The following SNTG2 variants were observed in gnomAD, a reference collection of about 807,000 sequenced individuals.
The protein encoded by SNTG2 is syntrophin gamma 2.
Under a neutral mutation model 70.9 loss-of-function variants are expected in SNTG2, and 74 were observed. The observed-to-expected ratio is 1.04, with a 90% CI of 0.86 to 1.27. The LOEUF (loss-of-function observed/expected upper bound fraction) is 1.27, where lower values mean the gene tolerates loss of function less well. Ranked by LOEUF, SNTG2 falls within the 50% of genes most tolerant of loss-of-function variation. The pLI is 0.00. For synonymous variants in SNTG2, 278 were observed against 273.8 expected, an observed-to-expected ratio of 1.02 and a Z score of -0.15; for missense variants, 717 against 690.7, an observed-to-expected ratio of 1.04 and a Z score of -0.43.
chr2:1,276,891 C>T (rs1293391437), intron 14 of SNTG2, among the ~76,000 whole-genome samples: 2 of 152,126 alleles, frequency 1.3e-5, no homozygotes, highest in Non-Finnish European at 2.9e-5. Context: ...TTCCAAACCT[C>T]ATGAATGACT....
At chr2:995,581 A>G (rs902454879) in intron 1 of SNTG2, among the ~76,000 whole-genome samples, 4 of 152,190 alleles carry the variant, frequency 2.6e-5, no homozygotes, top group Admixed American at 2.6e-4. Context: ...TAAGTTGGAA[A>G]TTATTTCCTC....
intron 4 of SNTG2, among the ~76,000 whole-genome samples, chr2:1,129,936 T>G (rs1433497590): frequency 6.6e-6 from 1 of 152,224 alleles, no homozygotes; most frequent in Non-Finnish European, 1.5e-5. Context: ...GTTCACAAGT[T>G]GTAATAAAAA....
chr2:1,073,337 C>T (rs907389397), intron 1 of SNTG2, among the ~76,000 whole-genome samples: 1 of 152,230 alleles, frequency 6.6e-6, no homozygotes, highest in African/African-American at 2.4e-5. Flanking sequence ...CCTTCAGCAG[C>T]CACCATCTTG....
At chr2:1,228,810 G>A (rs569527910) in intron 9 of SNTG2, among the ~76,000 whole-genome samples, 1 of 152,344 alleles carries the variant, frequency 6.6e-6, no homozygotes, top group South Asian at 2.1e-4. Flanking sequence ...CGCGGTGAGT[G>A]TTACAGCTCT....
At chr2:1,184,577 G>A (rs1238586727) in intron 8 of SNTG2, among the ~76,000 whole-genome samples, 1 of 152,158 alleles carries the variant, frequency 6.6e-6, no homozygotes, top group Non-Finnish European at 1.5e-5. Context: ...ATGGTAGAAA[G>A]TGAAGAGGAA....
chr2:1,098,831 G>A (rs1289474446), intron 4 of SNTG2, among the ~76,000 whole-genome samples: 3 of 152,204 alleles, frequency 2.0e-5, no homozygotes, highest in Non-Finnish European at 4.4e-5. Flanking sequence ...CTAGCTGACC[G>A]CGCTCAGGTG....
intron 4 of SNTG2, among the ~76,000 whole-genome samples, chr2:1,133,067 T>G (rs1668131647): frequency 6.6e-6 from 1 of 152,196 alleles, no homozygotes; most frequent in African/African-American, 2.4e-5. Flanking sequence ...GGCCCAGAAT[T>G]TTCACCTGTG....
chr2:1,314,902 A>T (rs1336455862), intron 15 of SNTG2, among the ~76,000 whole-genome samples: 1 of 152,200 alleles, frequency 6.6e-6, no homozygotes, highest in Non-Finnish European at 1.5e-5. Flanking sequence ...AGTCACTGTC[A>T]CGAGAACAGC....
At chr2:1,176,650 G>GA (rs58207101) in intron 8 of SNTG2, among the ~76,000 whole-genome samples, 1,484 of 147,220 alleles carry the variant, frequency 0.01, 12 homozygotes, top group African/African-American at 0.03. Context: ...AAATTTACAA[G>GA]AAAAAAAAAA....
At chr2:1,168,232 C>A (rs907640699) in intron 7 of SNTG2, among the ~76,000 whole-genome samples, 1 of 145,410 alleles carries the variant, frequency 6.9e-6, no homozygotes, top group African/African-American at 2.5e-5. Context: ...CGCCCACAGA[C>A]GGCAGAACTG....
At chr2:1,167,608 CAG>C (rs1670815466) in intron 7 of SNTG2, among the ~76,000 whole-genome samples, 1 of 121,828 alleles carries the variant, frequency 8.2e-6, no homozygotes, top group Non-Finnish European at 1.7e-5. Flanking sequence ...CCACAGACGG[CAG>C]AACTGAAGCC....
chr2:1,319,814 G>A (rs956395707), intron 16 of SNTG2, among the ~76,000 whole-genome samples: 2 of 152,182 alleles, frequency 1.3e-5, no homozygotes, highest in South Asian at 2.1e-4. Flanking sequence ...ATTTATCAAC[G>A]TATGAGATAT....
chr2:1,150,153 T>C (rs1669386005), intron 6 of SNTG2, among the ~76,000 whole-genome samples: 1 of 152,188 alleles, frequency 6.6e-6, no homozygotes, highest in South Asian at 2.1e-4. Flanking sequence ...GAGGCTGTTT[T>C]AAAATGCAGG....
At chr2:1,282,618 A>G (rs1679594912) in intron 14 of SNTG2, among the ~76,000 whole-genome samples, 1 of 152,034 alleles carries the variant, frequency 6.6e-6, no homozygotes, top group South Asian at 2.1e-4. Context: ...ATCACTCACA[A>G]TAACGCCGCC....
chr2:1,008,604 T>C (rs1209000620), intron 1 of SNTG2, among the ~76,000 whole-genome samples: 1 of 152,200 alleles, frequency 6.6e-6, no homozygotes, highest in African/African-American at 2.4e-5. Context: ...TTTTATTATT[T>C]ATATGTATTA....
chr2:1,267,611 C>T (rs1454734868), intron 14 of SNTG2, 40 bp downstream of exon 14: 14 of 1,569,940 alleles, frequency 8.9e-6, no homozygotes, highest in Admixed American at 1.7e-5. Flanking sequence ...TACACCTGCT[C>T]GGGTGTCTGA....
chr2:1,007,475 A>G (rs1558307073), intron 1 of SNTG2, among the ~76,000 whole-genome samples: 1 of 152,322 alleles, frequency 6.6e-6, no homozygotes, highest in East Asian at 1.9e-4. Context: ...CAGTTTCCAC[A>G]GTAAAAATGG....
In SNTG2 at chr2:1,009,653, T is replaced by C. The variant is rs371537635; in HGVS notation, c.72+58585T>C. Among the ~76,000 whole-genome samples, 21 of 57,084 alleles carry C rather than the reference T, an allele frequency of 3.7e-4. 1 individual carries two copies. The highest frequency in any genetic ancestry group is 1.2e-3 in the African/African-American group (19 of 15,340). The allele number at this position is 57,084 out of a possible 152,430, so 37.4% of individuals were successfully genotyped here. On this transcript the variant is annotated intron_variant, in intron 1 of 16. Transcript: ENST00000308624. ...GGGTCGTGTGTATGGCAGCCACACC[T>C]GTGTCCCCAGGAAGACTGCTGGTTC...
intron 1 of SNTG2, among the ~76,000 whole-genome samples, chr2:1,021,878 A>G (rs1660196376): frequency 6.7e-6 from 1 of 150,218 alleles, no homozygotes. Context: ...TTGGCCTCCC[A>G]AAGTGCTGCA....
Sources: allele counts gnomAD v4.1 joint callset (sites outside exome capture counted in the v4.1 genomes callset), GRCh38; gene constraint gnomAD v4.1.1; transcripts MANE v1.5; gene names NCBI Gene and HGNC (gene_info 2026-07-23, HGNC 2026-07-21).